Variants in DNAH6 observed in about 807,000 individuals in gnomAD.
The protein encoded by DNAH6 is dynein axonemal heavy chain 6.
Under a neutral mutation model 491.4 loss-of-function variants are expected in DNAH6, and 340 were observed. The ratio of observed to expected loss-of-function variants is 0.69; its 90% CI spans 0.63 to 0.76. DNAH6 has a LOEUF of 0.76. DNAH6 is among the 30% of genes least tolerant of loss of function. The pLI is 0.00. For synonymous variants in DNAH6, 1,603 were observed against 1,686.1 expected (o/e 0.95, Z 1.21); for missense variants, 4,443 against 4,972.2 (o/e 0.89, Z 3.20).
In DNAH6 at chr2:84,681,547, G is replaced by T; in HGVS notation, c.6916+19G>T. 1 of 1,491,324 alleles carries T rather than the reference G, an allele frequency of 6.7e-7. No individual in the cohort carries two copies. The highest frequency in any genetic ancestry group is 1.4e-5 in the South Asian group (1 of 73,350). 92.4% of individuals were successfully genotyped at this position (1,491,324 alleles called of 1,614,324 possible). A position where few individuals can be genotyped will look rare whatever the true frequency, so the allele number is the denominator to read the frequency against. On this transcript the variant is annotated intron_variant, in intron 42 of 76. Coordinates refer to ENST00000389394, the MANE Select transcript of DNAH6 (RefSeq NM_001370.2). ...GTGCAAGGTAGTGTACTGAACCCTC[G>T]TTTTCTGATCTGCACCCTCCCTACT...
chr2:84,598,127 T>TTTTCTTTCTTTCTTCC (rs1684807693), intron 18 of DNAH6, among the ~76,000 whole-genome samples: 1 of 109,314 alleles, frequency 9.1e-6, no homozygotes, highest in Non-Finnish European at 1.9e-5. Flanking sequence ...TCTATCTTTC[T>TTTTCTTTCTTTCTTCC]TTTCTTTCTT....
At chr2:84,582,537 C>G (rs1216371541) in intron 14 of DNAH6, among the ~76,000 whole-genome samples, 1 of 152,196 alleles carries the variant, frequency 6.6e-6, no homozygotes. Flanking sequence ...CTGCAAGCTC[C>G]GCCTCCCGGG....
rs150027920 is a variant in DNAH6 at position 84,683,620 on chromosome 2, G to A, written c.6917-1706G>A. ...GTATTTTTAGTAAAGACCGGGTTTC[G>A]CCATGTTGGTCAGGCTGGTTTTGAA... On this transcript the variant is annotated intron_variant, in intron 42 of 76. Coordinates refer to ENST00000389394, the MANE Select transcript of DNAH6 (RefSeq NM_001370.2). 3.2e-3 allele frequency among the ~76,000 whole-genome samples: 489 copies of A among 151,606 alleles called. 5 individuals are homozygous for A. Among genetic ancestry groups the A allele is most frequent in the African/African-American group, 0.011 (464 of 41,280 alleles).
At chr2:84,462,276 AGGC>A in the DNAH6 span, among the ~76,000 whole-genome samples, 54 of 152,352 alleles carry the variant, frequency 3.5e-4, no homozygotes, top group Non-Finnish European at 5.9e-5. Context: ...ATTCAGTGGA[AGGC>A]TGATCAAGGA....
intron 56 of DNAH6, among the ~76,000 whole-genome samples, chr2:84,712,159 C>T (rs961677134): frequency 7.9e-5 from 12 of 152,158 alleles, no homozygotes; most frequent in African/African-American, 2.9e-4. Flanking sequence ...AACTTTGTCT[C>T]CACCCATTCA....
chr2:84,508,565 C>G, the DNAH6 span, among the ~76,000 whole-genome samples: 5 of 152,188 alleles, frequency 3.3e-5, no homozygotes, highest in African/African-American at 1.2e-4. Flanking sequence ...TCTTTATTTC[C>G]TTTAGTTCTG....
chr2:84,717,018 A>T (rs148399897), intron 58 of DNAH6, among the ~76,000 whole-genome samples: 2 of 152,128 alleles, frequency 1.3e-5, no homozygotes, highest in Non-Finnish European at 2.9e-5. Flanking sequence ...TGAACACCAC[A>T]GTTCACCTCC....
the DNAH6 span, among the ~76,000 whole-genome samples, chr2:84,480,531 C>T: frequency 6.6e-6 from 1 of 152,140 alleles, no homozygotes; most frequent in Non-Finnish European, 1.5e-5. Flanking sequence ...ATGAAATAAT[C>T]TATGTCAAGC....
At chr2:84,615,052 T>G (rs1328372371) in intron 22 of DNAH6, among the ~76,000 whole-genome samples, 1 of 152,128 alleles carries the variant, frequency 6.6e-6, no homozygotes, top group Non-Finnish European at 1.5e-5. Flanking sequence ...TTTCTTTTGT[T>G]GCATTTGCTT....
Position 84,560,621 on chromosome 2 carries a change from C to A in DNAH6, c.1803+2686C>A, listed in dbSNP as rs555802950. On this transcript the variant is annotated intron_variant, in intron 11 of 76. Transcript: ENST00000389394. ...CTATCCCTCCCCGCTTCCCCCACCCCACAACAGTCCCCAGAGTGTGATGTT... is the reference window on the plus strand; with the variant it reads ...CTATCCCTCCCCGCTTCCCCCACCCAACAACAGTCCCCAGAGTGTGATGTT... Among the ~76,000 whole-genome samples, 44 of 151,752 alleles carry A rather than the reference C, an allele frequency of 2.9e-4. 1 individual carries two copies. The highest frequency in any genetic ancestry group is 9.0e-4 in the African/African-American group (37 of 41,208).
chr2:84,549,823 G>A, intron 8 of DNAH6, 66 bp from the exon 9 acceptor site: 3 of 1,150,254 alleles, frequency 2.6e-6, no homozygotes, highest in Middle Eastern at 2.3e-4. Flanking sequence ...TTGCTTTAGA[G>A]ACACTGTCAA....
intron 40 of DNAH6, among the ~76,000 whole-genome samples, chr2:84,674,023 T>C (rs966946749): frequency 1.3e-5 from 2 of 152,192 alleles, no homozygotes; most frequent in Non-Finnish European, 2.9e-5. Context: ...CCCATTTCTG[T>C]TCTGGAGAAA....
chr2:84,795,394 T>C (rs1381430281), intron 68 of DNAH6, among the ~76,000 whole-genome samples: 2 of 152,186 alleles, frequency 1.3e-5, no homozygotes, highest in Non-Finnish European at 2.9e-5. Context: ...ACATGCTCTG[T>C]AAATATTCAA....
chr2:84,778,787 A>G (rs1481005762), intron 64 of DNAH6, among the ~76,000 whole-genome samples: 1 of 152,130 alleles, frequency 6.6e-6, no homozygotes, highest in Non-Finnish European at 1.5e-5. Context: ...CTGCACCCAG[A>G]CACACTGTAA....
upstream of DNAH6, among the ~76,000 whole-genome samples, chr2:84,512,607 C>T (rs1312673100): frequency 6.6e-6 from 1 of 152,194 alleles, no homozygotes; most frequent in Non-Finnish European, 1.5e-5. Context: ...CTAGAATCTT[C>T]AACTGCTGTT....
intron 21 of DNAH6, among the ~76,000 whole-genome samples, chr2:84,607,601 T>C (rs1438429638): frequency 2.0e-5 from 3 of 152,166 alleles, no homozygotes; most frequent in African/African-American, 7.2e-5. Context: ...CATACCCATT[T>C]AAAAAACCTG....
chr2:84,501,058 C>T, the DNAH6 span, among the ~76,000 whole-genome samples: 1 of 152,186 alleles, frequency 6.6e-6, no homozygotes, highest in African/African-American at 2.4e-5. Flanking sequence ...ACTTCCAGTA[C>T]TATGCTGAAT....
At chr2:84,734,976 G>A (rs991287265) in intron 62 of DNAH6, among the ~76,000 whole-genome samples, 1 of 151,924 alleles carries the variant, frequency 6.6e-6, no homozygotes, top group Non-Finnish European at 1.5e-5. Flanking sequence ...GGGAAGTTTG[G>A]GCTTCTAATG....
At chr2:84,499,066 A>G in the DNAH6 span, among the ~76,000 whole-genome samples, 1 of 152,198 alleles carries the variant, frequency 6.6e-6, no homozygotes, top group African/African-American at 2.4e-5. Context: ...TCTACAAATT[A>G]TTTTAAAATG....
Sources: gnomAD v4.1 joint callset for allele counts (sites outside exome capture counted in the v4.1 genomes callset) on GRCh38, gnomAD v4.1.1 for gene constraint, MANE v1.5 for transcripts, NCBI Gene and HGNC (gene_info 2026-07-23, HGNC 2026-07-21) for gene names.